The following SEPTIN4 variants were observed in gnomAD, a reference collection of about 807,000 sequenced individuals.
The protein encoded by SEPTIN4 is septin-4.
SEPTIN4 carries 52 observed loss-of-function variants against 107.1 expected under a neutral mutation model. The ratio of observed to expected loss-of-function variants is 0.49; its 90% CI spans 0.39 to 0.61. The LOEUF (loss-of-function observed/expected upper bound fraction) is 0.61. Among genes scored for constraint, SEPTIN4 ranks in the 20% least tolerant of loss-of-function variants. The pLI, the probability that SEPTIN4 is intolerant of heterozygous loss-of-function variation, is 0.00. For synonymous variants in SEPTIN4, 417 were observed against 467.0 expected (o/e 0.89, Z 1.38); for missense variants, 1,048 against 1,243.5 (o/e 0.84, Z 2.36).
In SEPTIN4 at chr17:58,520,598, A is replaced by G. The variant is rs542104214; in HGVS notation, c.2932-113T>C. 6 of 1,514,304 alleles carry G rather than the reference A, an allele frequency of 4.0e-6. No individual in the cohort carries two copies. In the African/African-American group the frequency reaches 5.5e-5, roughly 14 times the overall value. 93.8% of individuals were successfully genotyped at this position (1,514,304 alleles called of 1,614,324 possible). On this transcript the variant is annotated intron_variant, in intron 13 of 13. Coordinates refer to ENST00000672673, the MANE Select transcript of SEPTIN4 (RefSeq NM_001368771.2). ...AGAACCTTGGTAGCCGTGAGGTGTGATGGAGACTCTGGACAGAACCACCTA... is the reference window on the plus strand; with the variant it reads ...AGAACCTTGGTAGCCGTGAGGTGTGGTGGAGACTCTGGACAGAACCACCTA...
At chr17:58,522,862 T>A (rs1196866379) in intron 7 of SEPTIN4, among the ~76,000 whole-genome samples, 4 of 152,072 alleles carry the variant, frequency 2.6e-5, no homozygotes, top group Non-Finnish European at 5.9e-5. Flanking sequence ...CCACGAAGTC[T>A]CCTTTGACTA....
chr17:58,523,102 T>C (rs1050467861), intron 7 of SEPTIN4, among the ~76,000 whole-genome samples: 1 of 152,144 alleles, frequency 6.6e-6, no homozygotes, highest in African/African-American at 2.4e-5. Flanking sequence ...CCAGGTGTGG[T>C]AGTTCACGCC....
At chr17:58,536,661 A>G (rs893006843) in intron 3 of SEPTIN4, among the ~76,000 whole-genome samples, 1 of 152,202 alleles carries the variant, frequency 6.6e-6, no homozygotes, top group Non-Finnish European at 1.5e-5. Flanking sequence ...AGCTTCCCTC[A>G]GGAACTGCCT....
chr17:58,543,168 C>T lies in SEPTIN4; in HGVS notation c.1019G>A (p.Gly340Glu). 1.2e-6 allele frequency: 2 copies of T among 1,613,916 alleles called. No homozygotes were observed. The highest frequency in any genetic ancestry group is 1.7e-6 in the Non-Finnish European group (2 of 1,179,896). The part of the protein sequence containing the change: ...EVGRRVTISP[G>E]VQSVEPTHHV... ...GTGAGTTGGCTCTACTGACTGTACCCCTGGGGAGATGGTGACCCTGCGGCC... is the reference window on the plus strand; with the variant it reads ...GTGAGTTGGCTCTACTGACTGTACCTCTGGGGAGATGGTGACCCTGCGGCC... The change falls in exon 1 of 14, where the codon GGG becomes GAG. Residue 340 changes from glycine to glutamate, a missense_variant. Gly to Glu is a moderately conservative substitution (Grantham distance 98). Transcript: ENST00000672673.
intron 3 of SEPTIN4, chr17:58,529,409 G>A: frequency 7.1e-7 from 1 of 1,407,640 alleles, no homozygotes; most frequent in Non-Finnish European, 9.2e-7. Context: ...CACCCTCCAA[G>A]GACAGCTCAG....
At chr17:58,535,219 G>A (rs754632048) in intron 3 of SEPTIN4, among the ~76,000 whole-genome samples, 12 of 152,236 alleles carry the variant, frequency 7.9e-5, no homozygotes, top group Non-Finnish European at 1.6e-4. Flanking sequence ...ATGATCCTGG[G>A]GGCAGGCATA....
chr17:58,543,727 T>C lies in SEPTIN4; in HGVS notation c.460A>G (p.Lys154Glu). 6.2e-7 allele frequency: 1 copy of C among 1,614,222 alleles called. No homozygotes were observed. The highest frequency in any genetic ancestry group is 1.3e-5 in the African/African-American group (1 of 75,054). Residue 154 changes from lysine (K) to glutamate (E), a missense_variant, in exon 1 of 14, where the codon AAA (lysine) becomes GAA (glutamate). Lys to Glu is a moderately conservative substitution (Grantham distance 56). This residue lies in a region of SEPTIN4 where 787 missense variants were observed against 871.8 expected (regional missense o/e 0.90). Coordinates refer to ENST00000672673, the MANE Select transcript of SEPTIN4 (RefSeq NM_001368771.2). ...GHHASSIPDA[K>E]STHQLSFQDQ... is the part of the protein sequence containing the mutation. ...TGAAAACTCAACTGATGAGTAGATTTGGCATCTGGGATTGATGAAGCATGA... is the reference window on the plus strand; with the variant it reads ...TGAAAACTCAACTGATGAGTAGATTCGGCATCTGGGATTGATGAAGCATGA...
chr17:58,528,770 G>A (rs1277471742), intron 3 of SEPTIN4, among the ~76,000 whole-genome samples: 4 of 152,202 alleles, frequency 2.6e-5, no homozygotes, highest in Non-Finnish European at 5.9e-5. Flanking sequence ...GTGGGAGAGA[G>A]AAAGCTGTGC....
intron 12 of SEPTIN4, 24 bp downstream of exon 12, chr17:58,520,974 C>A (rs1246629421): frequency 1.9e-6 from 3 of 1,613,394 alleles, no homozygotes; most frequent in African/African-American, 1.3e-5. Context: ...CCCCTGCCAG[C>A]TTTGTCCTGG....
intron 3 of SEPTIN4, among the ~76,000 whole-genome samples, chr17:58,529,618 C>A (rs533075869): frequency 1.3e-5 from 2 of 152,302 alleles, no homozygotes; most frequent in African/African-American, 4.8e-5. Flanking sequence ...GAGCTATCCC[C>A]AAGTGACCTG....
At position 58,520,295 on chromosome 17, in the gene SEPTIN4, T is replaced by C. The variant is rs531866139; in HGVS notation, c.*131A>G. Reference sequence around the variant, plus strand: ...TATTAAACTTTATTTCCTCTGAGTCTCTGGGCAGTCAGCAGGGATGTAAGG... The same window carrying C: ...TATTAAACTTTATTTCCTCTGAGTCCCTGGGCAGTCAGCAGGGATGTAAGG... On this transcript the variant is annotated 3_prime_UTR_variant, in exon 14 of 14. Transcript: ENST00000672673. 46 of 746,744 alleles carry C rather than the reference T, an allele frequency of 6.2e-5. No homozygotes were observed. In the African/African-American group the frequency reaches 6.9e-4, roughly 11 times the overall value. The allele number at this position is 746,744 out of a possible 1,614,324, so 46.3% of individuals were successfully genotyped here. A position where few individuals can be genotyped will look rare whatever the true frequency, so the allele number is the denominator to read the frequency against.
intron 3 of SEPTIN4, chr17:58,531,821 G>T: frequency 1.2e-6 from 1 of 812,928 alleles, no homozygotes; most frequent in Non-Finnish European, 1.5e-6. Flanking sequence ...GCCAGCCTGT[G>T]CCCGGGGCCG....
At chr17:58,527,025 G>A (rs1429473032) in intron 3 of SEPTIN4, 47 bp from the exon 4 acceptor site, 1 of 1,613,214 alleles carries the variant, frequency 6.2e-7, no homozygotes, top group Non-Finnish European at 8.5e-7. Context: ...GCCGGGAAGG[G>A]AGCCGGAAGG....
chr17:58,534,900 C>A (rs753687383), intron 3 of SEPTIN4, among the ~76,000 whole-genome samples: 1 of 152,174 alleles, frequency 6.6e-6, no homozygotes, highest in Non-Finnish European at 1.5e-5. Context: ...AGGTTCAAAG[C>A]CGATAATAAA....
intron 3 of SEPTIN4, chr17:58,527,461 A>C: frequency 3.5e-6 from 1 of 282,510 alleles, no homozygotes; most frequent in South Asian, 3.5e-5. Context: ...AGGGGAGAAG[A>C]AAGCTGACTG....
intron 6 of SEPTIN4, chr17:58,525,470 G>A (rs1598275090): frequency 3.3e-6 from 2 of 610,038 alleles, no homozygotes; most frequent in East Asian, 2.8e-5. Flanking sequence ...GGGGGTCAGA[G>A]ACTCATTCAG....
intron 6 of SEPTIN4, 70 bp downstream of exon 6, chr17:58,525,625 A>C (rs2042766896): frequency 8.1e-6 from 11 of 1,356,676 alleles, no homozygotes; most frequent in Non-Finnish European, 4.2e-6. Flanking sequence ...GGAGAGCCCC[A>C]TCCCCCAGAC....
At chr17:58,539,775 G>A (rs934733910) in intron 3 of SEPTIN4, among the ~76,000 whole-genome samples, 1 of 152,084 alleles carries the variant, frequency 6.6e-6, no homozygotes, top group Non-Finnish European at 1.5e-5. Context: ...AAGGAAGGGA[G>A]AAAGGGAGGG....
chr17:58,541,159 T>C (rs538096873), intron 2 of SEPTIN4, among the ~76,000 whole-genome samples: 1 of 152,296 alleles, frequency 6.6e-6, no homozygotes, highest in African/African-American at 2.4e-5. Flanking sequence ...CTGGTTGGGA[T>C]TGGATGGAAT....
Sources: gnomAD v4.1 joint callset for allele counts (sites outside exome capture counted in the v4.1 genomes callset) on GRCh38, gnomAD v4.1.1 for gene constraint, gnomAD v4.1.1 regional missense constraint, MANE v1.5 for transcripts, NCBI Gene and HGNC (gene_info 2026-07-23, HGNC 2026-07-21) for gene names.